Variants in PDE11A observed in about 807,000 individuals in gnomAD.
PDE11A encodes the protein phosphodiesterase 11A.
Under a neutral mutation model 100.5 loss-of-function variants are expected in PDE11A, and 100 were observed. The ratio of observed to expected loss-of-function variants is 1.00; its 90% CI spans 0.85 to 1.18. The LOEUF (loss-of-function observed/expected upper bound fraction) is 1.18. Among genes scored for constraint, PDE11A ranks in the 50% most tolerant of loss-of-function variants. PDE11A has a pLI of 0.00. For synonymous variants in PDE11A, 381 were observed against 420.8 expected (o/e 0.91, Z 1.16); for missense variants, 1,141 against 1,152.6 (o/e 0.99, Z 0.15).
Position 177,795,756 on chromosome 2 carries a change from T to C in PDE11A, c.1737+21073A>G, listed in dbSNP as rs140054918. Among the ~76,000 whole-genome samples, 518 of 151,710 alleles carry C rather than the reference T, an allele frequency of 3.4e-3. 5 individuals carry two copies. The East Asian group carries it at 0.052, about 15-fold the overall frequency. On this transcript the variant is annotated intron_variant, in intron 9 of 19. Transcript: ENST00000286063. The stretch of plus-strand genomic sequence containing the variant: ...TGTATATAGATCAAATTAGGGAAAC[T>C]GGGCTATCCACCACCCTCAGTGTTT...
At chr2:177,928,209 G>C (rs2085157728) in intron 2 of PDE11A, among the ~76,000 whole-genome samples, 1 of 150,356 alleles carries the variant, frequency 6.7e-6, no homozygotes, top group African/African-American at 2.4e-5. Context: ...TTGACAGAAT[G>C]TAAAGATTTT....
intron 6 of PDE11A, among the ~76,000 whole-genome samples, chr2:177,820,785 G>A (rs2083125616): frequency 6.6e-6 from 1 of 151,840 alleles, no homozygotes; most frequent in South Asian, 2.1e-4. Context: ...TATTATGTAT[G>A]TTGTCAAATC....
chr2:177,862,922 A>T (rs1342307679), intron 5 of PDE11A, among the ~76,000 whole-genome samples: 3 of 151,970 alleles, frequency 2.0e-5, no homozygotes, highest in African/African-American at 7.2e-5. Flanking sequence ...ACACTTCCTG[A>T]TTTCAAATTA....
At chr2:178,065,815 C>G (rs573583321) in intron 1 of PDE11A, among the ~76,000 whole-genome samples, 28 of 152,238 alleles carry the variant, frequency 1.8e-4, no homozygotes, top group Non-Finnish European at 3.7e-4. Context: ...GAACGAAGCA[C>G]TCTCATCGCT....
At chr2:177,872,759 A>G (rs2084160804) in intron 5 of PDE11A, among the ~76,000 whole-genome samples, 1 of 152,204 alleles carries the variant, frequency 6.6e-6, no homozygotes. Context: ...TGTGAGATCA[A>G]GCTGTGATTT....
At chr2:177,966,571 G>A (rs1437426786) in intron 2 of PDE11A, among the ~76,000 whole-genome samples, 1 of 151,834 alleles carries the variant, frequency 6.6e-6, no homozygotes, top group Non-Finnish European at 1.5e-5. Flanking sequence ...ATGAAGAGAT[G>A]TTCAATTTTA....
intron 2 of PDE11A, chr2:177,922,616 G>A (rs776108160): frequency 3.1e-5 from 27 of 883,172 alleles, no homozygotes; most frequent in Admixed American, 6.2e-5. Context: ...CACTGAGTCC[G>A]GCTAATTTTA....
At chr2:177,810,457 A>G (rs2082933568) in intron 9 of PDE11A, among the ~76,000 whole-genome samples, 1 of 152,148 alleles carries the variant, frequency 6.6e-6, no homozygotes, top group Non-Finnish European at 1.5e-5. Flanking sequence ...AAATTTTTAT[A>G]GAGGAGATTA....
At chr2:177,966,181 G>A (rs191095355) in intron 2 of PDE11A, among the ~76,000 whole-genome samples, 1 of 152,128 alleles carries the variant, frequency 6.6e-6, no homozygotes, top group Non-Finnish European at 1.5e-5. Context: ...ATATAGAAAC[G>A]TTATTGATTT....
At chr2:177,832,802 T>C (rs71423508) in intron 6 of PDE11A, among the ~76,000 whole-genome samples, 15,885 of 152,088 alleles carry the variant, frequency 0.1, 1,140 homozygotes, top group Non-Finnish European at 0.15. Flanking sequence ...AAACACACTA[T>C]GTGTGCTCCC....
At chr2:177,836,606 A>C (rs2083404177) in intron 6 of PDE11A, among the ~76,000 whole-genome samples, 1 of 152,184 alleles carries the variant, frequency 6.6e-6, no homozygotes, top group Non-Finnish European at 1.5e-5. Flanking sequence ...TCCCTACCCC[A>C]GTGTGGAAGC....
chr2:177,967,884 G>A (rs556532280), intron 2 of PDE11A, among the ~76,000 whole-genome samples: 1 of 152,244 alleles, frequency 6.6e-6, no homozygotes, highest in African/African-American at 2.4e-5. Flanking sequence ...ATTCCATGAG[G>A]ACAAATGTAT....
chr2:177,948,225 A>T (rs1215535388), intron 2 of PDE11A, among the ~76,000 whole-genome samples: 1 of 152,148 alleles, frequency 6.6e-6, no homozygotes, highest in Admixed American at 6.6e-5. Flanking sequence ...GAAATTTTCC[A>T]ATTTTTTGAT....
chr2:177,881,341 GTCTA>G (rs56769555), intron 4 of PDE11A, among the ~76,000 whole-genome samples: 27,647 of 147,476 alleles, frequency 0.19, 2,615 homozygotes, highest in Admixed American at 0.23. Flanking sequence ...TCATCTATCT[GTCTA>G]TCTATCTATC....
intron 9 of PDE11A, among the ~76,000 whole-genome samples, chr2:177,803,322 C>T (rs1305890067): frequency 6.6e-6 from 1 of 151,418 alleles, no homozygotes; most frequent in African/African-American, 2.4e-5. Context: ...ACAACAACAA[C>T]AACAACAACA....
intron 2 of PDE11A, among the ~76,000 whole-genome samples, chr2:177,960,590 C>T (rs115372184): frequency 1.6e-3 from 243 of 151,788 alleles, no homozygotes; most frequent in African/African-American, 5.8e-3. Flanking sequence ...TTAAAGCAAA[C>T]TATATAGAAT....
At chr2:177,651,000 G>T (rs1242056362) in intron 19 of PDE11A, among the ~76,000 whole-genome samples, 1 of 152,172 alleles carries the variant, frequency 6.6e-6, no homozygotes, top group African/African-American at 2.4e-5. Flanking sequence ...AAAGCAGAAA[G>T]AATCTATGCC....
intron 2 of PDE11A, among the ~76,000 whole-genome samples, chr2:177,913,532 C>T (rs2084911733): frequency 1.3e-5 from 2 of 152,022 alleles, no homozygotes; most frequent in Non-Finnish European, 2.9e-5. Context: ...CTACCCACTC[C>T]CTTCTCAAGG....
chr2:177,829,452 C>CT (rs35041048), intron 6 of PDE11A, among the ~76,000 whole-genome samples: 15,963 of 147,370 alleles, frequency 0.11, 1,087 homozygotes, highest in Non-Finnish European at 0.15. Context: ...AGGCAAAATT[C>CT]TTTTTTTTTT....
Sources: allele counts gnomAD v4.1 joint callset (sites outside exome capture counted in the v4.1 genomes callset), GRCh38; gene constraint gnomAD v4.1.1; transcripts MANE v1.5; gene names NCBI Gene and HGNC (gene_info 2026-07-23, HGNC 2026-07-21).